The following NFAT5 variants were observed in gnomAD, a reference collection of about 807,000 sequenced individuals.
NFAT5 encodes nuclear factor of activated T-cells 5.
Under a neutral mutation model 166.5 loss-of-function variants are expected in NFAT5, and 31 were observed. The observed-to-expected ratio is 0.19, with a 90% CI of 0.14 to 0.25. The LOEUF is 0.25. Ranked by LOEUF, NFAT5 falls within the 10% of genes least tolerant of loss-of-function variation. NFAT5 has a pLI of 1.00. For missense variants in NFAT5, 1,449 were observed against 1,821.8 expected, an observed-to-expected ratio of 0.80 and a Z score of 3.72; for synonymous variants, 612 against 639.7, an observed-to-expected ratio of 0.96 and a Z score of 0.65.
At chr16:69,594,393 C>T (rs1456792792) in intron 2 of NFAT5, among the ~76,000 whole-genome samples, 1 of 152,142 alleles carries the variant, frequency 6.6e-6, no homozygotes, top group Non-Finnish European at 1.5e-5. Flanking sequence ...AATTTTTAGT[C>T]TGCATTATAA....
In NFAT5 at chr16:69,566,797, A is replaced by C. The variant is rs2016078166; in HGVS notation, c.73+423A>C. Among the ~76,000 whole-genome samples, 1 of 152,072 alleles carries C rather than the reference A, an allele frequency of 6.6e-6. No individual in the cohort carries two copies. The highest frequency in any genetic ancestry group is 6.5e-5 in the Admixed American group (1 of 15,278). On this transcript the variant is annotated intron_variant, in intron 1 of 14. Coordinates refer to ENST00000349945, the MANE Select transcript of NFAT5 (RefSeq NM_138713.4). The surrounding 1 kb of genome is among the most constrained non-coding windows in gnomAD (Gnocchi z 5.7). ...TCTTACCGGGACCCTCCTCCCCAGC[A>C]AAGTTGCCCCCAAGCGGGCGGCGTG...
At chr16:69,688,637 G>A (rs1480438366) in intron 11 of NFAT5, among the ~76,000 whole-genome samples, 1 of 152,104 alleles carries the variant, frequency 6.6e-6, no homozygotes, top group Non-Finnish European at 1.5e-5. Context: ...AAATTGCTGG[G>A]ATTACAGGCA....
intron 4 of NFAT5, among the ~76,000 whole-genome samples, chr16:69,650,847 A>G (rs1285790868): frequency 6.6e-6 from 1 of 152,204 alleles, no homozygotes; most frequent in Non-Finnish European, 1.5e-5. Context: ...GTTTCAATAA[A>G]TGAATATTTT....
At chr16:69,615,504 T>C (rs2033901575) in intron 2 of NFAT5, among the ~76,000 whole-genome samples, 1 of 152,226 alleles carries the variant, frequency 6.6e-6, no homozygotes, top group African/African-American at 2.4e-5. Flanking sequence ...CTGCTTCTCC[T>C]AGGACCTTTC....
rs1207313828 is a variant in NFAT5, at chr16:69,667,421, C to T, written c.1370-2556C>T. Reference sequence around the variant, plus strand: ...TCTCTTTTGCATAATTGTATAATGTCAAGATTCAATATACTTCTTTTCTGA... The same window carrying T: ...TCTCTTTTGCATAATTGTATAATGTTAAGATTCAATATACTTCTTTTCTGA... On this transcript the variant is annotated intron_variant, in intron 7 of 14. Coordinates refer to ENST00000349945, the MANE Select transcript of NFAT5 (RefSeq NM_138713.4). 4.0e-5 allele frequency among the ~76,000 whole-genome samples: 6 copies of T among 149,040 alleles called. 1 individual carries two copies. The highest frequency in any genetic ancestry group is 6.7e-5 in the Admixed American group (1 of 14,948).
chr16:69,567,226 T>C (rs2016119594), intron 1 of NFAT5, among the ~76,000 whole-genome samples: 2 of 152,184 alleles, frequency 1.3e-5, no homozygotes, highest in South Asian at 4.1e-4. Flanking sequence ...GGCAGAGACT[T>C]TTCATTTAAG....
intron 2 of NFAT5, among the ~76,000 whole-genome samples, chr16:69,594,078 C>G (rs1476481159): frequency 6.6e-6 from 1 of 152,106 alleles, no homozygotes; most frequent in African/African-American, 2.4e-5. Flanking sequence ...AGTGGATGCC[C>G]AAAACTGAGC....
chr16:69,600,310 A>G (rs112451074), intron 2 of NFAT5, among the ~76,000 whole-genome samples: 5 of 152,178 alleles, frequency 3.3e-5, no homozygotes, highest in African/African-American at 9.7e-5. Flanking sequence ...ATAACCAAGC[A>G]ATTTGAATGG....
At chr16:69,664,892 TGGTG>T (rs1254792508) in intron 7 of NFAT5, among the ~76,000 whole-genome samples, 8 of 152,022 alleles carry the variant, frequency 5.3e-5, no homozygotes, top group Admixed American at 5.2e-4. Context: ...CCGGGCTTGG[TGGTG>T]CATACCTGTA....
chr16:69,627,530 GT>G (rs1226238250), intron 3 of NFAT5, among the ~76,000 whole-genome samples: 1 of 151,952 alleles, frequency 6.6e-6, no homozygotes, highest in Non-Finnish European at 1.5e-5. Flanking sequence ...TAAGGTTGTG[GT>G]TTAAATGAGG....
intron 2 of NFAT5, among the ~76,000 whole-genome samples, chr16:69,625,410 C>A (rs1045462500): frequency 6.6e-6 from 1 of 151,770 alleles, no homozygotes; most frequent in Non-Finnish European, 1.5e-5. Flanking sequence ...CAAAAGTAAT[C>A]GTAATCTAAT....
At chr16:69,680,372 C>A (rs922374365) in intron 10 of NFAT5, among the ~76,000 whole-genome samples, 3 of 152,216 alleles carry the variant, frequency 2.0e-5, no homozygotes, top group African/African-American at 7.2e-5. Flanking sequence ...TCACTTGTTT[C>A]TTTGTTTTTA....
intron 3 of NFAT5, among the ~76,000 whole-genome samples, chr16:69,646,140 G>A (rs2035429789): frequency 6.6e-6 from 1 of 152,130 alleles, no homozygotes; most frequent in Admixed American, 6.5e-5. Context: ...AAGAGAAAAT[G>A]GACAGCTCTA....
chr16:69,700,050 C>A lies in NFAT5; in HGVS notation c.*3699C>A, dbSNP rs2037871726. On this transcript the variant is annotated 3_prime_UTR_variant, in exon 15 of 15. Transcript: ENST00000349945. ...TAAAAAAAGAACAAGTTTTTAAGGG[C>A]TTTATTATAGAAGAAGTATTAATGA... The A allele has an allele frequency of 6.6e-6, 1 of 151,982 alleles. No individual in the cohort carries two copies. Among genetic ancestry groups the A allele is most frequent in the Non-Finnish European group, 1.5e-5 (1 of 67,968 alleles). 9.4% of individuals were successfully genotyped at this position (151,982 alleles called of 1,614,324 possible).
intron 2 of NFAT5, among the ~76,000 whole-genome samples, chr16:69,584,157 TG>T (rs1294142141): frequency 6.6e-6 from 1 of 151,784 alleles, no homozygotes; most frequent in Non-Finnish European, 1.5e-5. Flanking sequence ...ACCCTGGAGG[TG>T]GAAGTTGCAG....
At chr16:69,660,197 G>A (rs1172011977) in intron 7 of NFAT5, among the ~76,000 whole-genome samples, 1 of 152,144 alleles carries the variant, frequency 6.6e-6, no homozygotes, top group Non-Finnish European at 1.5e-5. Flanking sequence ...AAGGTGGGAG[G>A]ATCACTTCAG....
chr16:69,689,350 A>G (rs2037456991), intron 11 of NFAT5, among the ~76,000 whole-genome samples: 1 of 152,208 alleles, frequency 6.6e-6, no homozygotes, highest in Non-Finnish European at 1.5e-5. Context: ...AATAGGTCCA[A>G]AGAACTCATG....
intron 2 of NFAT5, among the ~76,000 whole-genome samples, chr16:69,570,710 A>G (rs1008962283): frequency 6.6e-6 from 1 of 152,176 alleles, no homozygotes; most frequent in Non-Finnish European, 1.5e-5. Context: ...AGAGTGCTGC[A>G]GGAGGCTACC....
intron 9 of NFAT5, 66 bp from the exon 10 acceptor site, chr16:69,677,137 T>C (rs1423055624): frequency 1.4e-6 from 2 of 1,461,402 alleles, no homozygotes; most frequent in Non-Finnish European, 1.9e-6. Flanking sequence ...GGAAATATAC[T>C]TCATTTAAAA....
Sources: allele counts gnomAD v4.1 joint callset (sites outside exome capture counted in the v4.1 genomes callset), GRCh38; gene constraint gnomAD v4.1.1; non-coding constraint Gnocchi (gnomAD v3.1); transcripts MANE v1.5; gene names NCBI Gene and HGNC (gene_info 2026-07-23, HGNC 2026-07-21).